SH3BP4: variants seen among roughly 807,000 people sequenced by gnomAD.
SH3BP4 encodes SH3 domain-binding protein 4.
Under a neutral mutation model 65.5 loss-of-function variants are expected in SH3BP4, and 33 were observed. That is an observed-to-expected ratio of 0.50 (90% CI 0.38 to 0.67). SH3BP4 has a LOEUF of 0.67. SH3BP4 is among the 30% of genes least tolerant of loss of function. The pLI, the probability that SH3BP4 is intolerant of heterozygous loss-of-function variation, is 0.00. For synonymous variants in SH3BP4, 552 were observed against 545.5 expected, an observed-to-expected ratio of 1.01 and a Z score of -0.17; for missense variants, 1,134 against 1,261.4, an observed-to-expected ratio of 0.90 and a Z score of 1.53.
Position 235,055,602 on chromosome 2 carries a change from A to G in SH3BP4, c.*1786A>G, listed in dbSNP as rs1019378729. The G allele has an allele frequency of 6.6e-6, 1 of 152,660 alleles. No homozygotes were observed. Among genetic ancestry groups the G allele is most frequent in the African/African-American group, 2.4e-5 (1 of 41,462 alleles). 9.5% of individuals were successfully genotyped at this position (152,660 alleles called of 1,614,324 possible). ...CCTATGCAACGTGTCTTGTAGCACAAATAAAATTCTACAAAAGTTGCAGTA... is the reference window on the plus strand; with the variant it reads ...CCTATGCAACGTGTCTTGTAGCACAGATAAAATTCTACAAAAGTTGCAGTA... On this transcript the variant is annotated 3_prime_UTR_variant, in exon 6 of 6. Transcript: ENST00000392011.
At chr2:235,038,644 G>A (rs1366674834) in intron 3 of SH3BP4, among the ~76,000 whole-genome samples, 1 of 151,674 alleles carries the variant, frequency 6.6e-6, no homozygotes, top group Non-Finnish European at 1.5e-5. Context: ...AAAAGCATAA[G>A]CAAGTGTCAT....
chr2:235,040,838 C>A, intron 3 of SH3BP4, 50 bp from the exon 4 acceptor site: 1 of 1,528,632 alleles, frequency 6.5e-7, no homozygotes, highest in South Asian at 1.2e-5. Flanking sequence ...GCTCTCCGGA[C>A]ACCCCGCCGG....
rs1574837506 is a variant in SH3BP4 at position 235,034,576 on chromosome 2, T to C, written c.-132-295T>C. On this transcript the variant is annotated intron_variant, in intron 2 of 5. Transcript: ENST00000392011. This position sits in a 1 kb window ranked among gnomAD's most constrained non-coding sequence, Gnocchi z 6.2. ...GACTGTAATGAATGGACTGGCCAGG[T>C]GCTGGAGCACATTTCGCAAACACCC... Among the ~76,000 whole-genome samples, 2 of 152,156 alleles carry C rather than the reference T, an allele frequency of 1.3e-5. No individual in the cohort carries two copies. Among genetic ancestry groups the C allele is most frequent in the South Asian group, 4.1e-4 (2 of 4,826 alleles).
intron 2 of SH3BP4, among the ~76,000 whole-genome samples, chr2:235,000,730 C>T (rs146394126): frequency 1.3e-5 from 2 of 152,226 alleles, no homozygotes; most frequent in Admixed American, 6.5e-5. Context: ...AGCCCAGCCT[C>T]GCATTTGGCA....
At chr2:235,021,728 A>G (rs1029662355) in intron 2 of SH3BP4, among the ~76,000 whole-genome samples, 7 of 152,210 alleles carry the variant, frequency 4.6e-5, no homozygotes, top group Admixed American at 1.3e-4. Context: ...CAGACCTTCC[A>G]TGTAGTCCAA....
chr2:235,049,599 G>A (rs1008154072), intron 4 of SH3BP4, among the ~76,000 whole-genome samples: 13 of 152,160 alleles, frequency 8.5e-5, no homozygotes, highest in African/African-American at 2.9e-4. Flanking sequence ...GAATACACAC[G>A]TGTATGCTTT....
In SH3BP4 at chr2:235,045,003, C is replaced by G. The variant is rs966626977; in HGVS notation, c.2478+1756C>G. On this transcript the variant is annotated intron_variant, in intron 4 of 5. Coordinates refer to ENST00000392011, the MANE Select transcript of SH3BP4 (RefSeq NM_014521.3). This position sits in a 1 kb window ranked among gnomAD's most constrained non-coding sequence, Gnocchi z 4.3. The stretch of plus-strand genomic sequence containing the variant: ...CAAACGCAGCAGGGAAGCCTCCGGG[C>G]CCCCATGTGGGGTCACCTGCAGGGA... 2.0e-5 allele frequency among the ~76,000 whole-genome samples: 3 copies of G among 152,194 alleles called. No homozygotes were observed. The highest frequency in any genetic ancestry group is 4.4e-5 in the Non-Finnish European group (3 of 68,024).
intron 2 of SH3BP4, among the ~76,000 whole-genome samples, chr2:235,005,988 T>C (rs1694281156): frequency 6.6e-6 from 1 of 152,250 alleles, no homozygotes; most frequent in Non-Finnish European, 1.5e-5. Context: ...AGGGAGGTTT[T>C]GATCCCTGGG....
chr2:234,955,088 T>C (rs1285480440), intron 1 of SH3BP4, among the ~76,000 whole-genome samples: 1 of 152,204 alleles, frequency 6.6e-6, no homozygotes, highest in Non-Finnish European at 1.5e-5. Flanking sequence ...CAAATTGGAC[T>C]CAGGCCCCTG....
At chr2:234,973,494 A>T (rs1693058680) in intron 1 of SH3BP4, among the ~76,000 whole-genome samples, 1 of 152,106 alleles carries the variant, frequency 6.6e-6, no homozygotes, top group Non-Finnish European at 1.5e-5. Flanking sequence ...GTCATCGAGG[A>T]TTTGTTGACC....
intron 1 of SH3BP4, among the ~76,000 whole-genome samples, chr2:234,955,453 C>T (rs905910352): frequency 6.6e-6 from 1 of 152,162 alleles, no homozygotes; most frequent in Non-Finnish European, 1.5e-5. Context: ...AAGCCGAAAC[C>T]AGCTCCTCGG....
intron 2 of SH3BP4, among the ~76,000 whole-genome samples, chr2:235,020,807 C>T (rs570523226): frequency 6.6e-6 from 1 of 152,176 alleles, no homozygotes; most frequent in East Asian, 1.9e-4. Context: ...TTCCATTTTG[C>T]AGCTAAGGAG....
Position 235,041,858 on chromosome 2 carries a change from G to A in SH3BP4, c.1089G>A (p.Pro363=), listed in dbSNP as rs377177002. ...QISMKALLDP[P]LELNSDRSCS... ...CCATGAAAGCCCTGCTGGACCCCCC[G>A]CTGGAGCTCAACAGTGACAGGTCCT... Residue 363 remains proline, a synonymous_variant, in exon 4 of 6, where the codon CCG becomes CCA. Transcript: ENST00000392011. The surrounding 1 kb of genome is among the most constrained non-coding windows in gnomAD (Gnocchi z 6.0). 5.3e-5 allele frequency: 86 copies of A among 1,608,754 alleles called. 1 individual carries two copies. The highest frequency in any genetic ancestry group is 5.1e-4 in the East Asian group (23 of 44,770).
At chr2:235,018,020 G>A (rs1321486067) in intron 2 of SH3BP4, among the ~76,000 whole-genome samples, 1 of 152,130 alleles carries the variant, frequency 6.6e-6, no homozygotes, top group African/African-American at 2.4e-5. Flanking sequence ...TAATTCTGGG[G>A]CCCTGGCAGA....
chr2:235,025,827 A>G (rs1409978933), intron 2 of SH3BP4, among the ~76,000 whole-genome samples: 1 of 152,180 alleles, frequency 6.6e-6, no homozygotes, highest in East Asian at 1.9e-4. Flanking sequence ...TCATTCTCCA[A>G]TCGGTAGGTT....
chr2:234,966,561 G>GC (rs1284011786), intron 1 of SH3BP4, among the ~76,000 whole-genome samples: 4 of 152,212 alleles, frequency 2.6e-5, no homozygotes, highest in African/African-American at 4.8e-5. Context: ...CGTGAACATA[G>GC]CAAGTATCTG....
At chr2:235,000,361 G>A (rs1347768555) in intron 2 of SH3BP4, among the ~76,000 whole-genome samples, 1 of 152,202 alleles carries the variant, frequency 6.6e-6, no homozygotes, top group Non-Finnish European at 1.5e-5. Flanking sequence ...TGACTGGGGG[G>A]TTGCCCCTGT....
At chr2:234,989,454 C>T (rs1431826948) in intron 1 of SH3BP4, among the ~76,000 whole-genome samples, 1 of 152,230 alleles carries the variant, frequency 6.6e-6, no homozygotes, top group Non-Finnish European at 1.5e-5. Flanking sequence ...GGCATGCAGC[C>T]ATGTACCCGG....
intron 1 of SH3BP4, among the ~76,000 whole-genome samples, chr2:234,960,642 T>C (rs919423907): frequency 3.9e-5 from 6 of 152,188 alleles, no homozygotes; most frequent in African/African-American, 1.2e-4. Context: ...CGCAACTGTT[T>C]GGGGCCACGT....
Sources: allele counts gnomAD v4.1 joint callset (sites outside exome capture counted in the v4.1 genomes callset), GRCh38; gene constraint gnomAD v4.1.1; non-coding constraint Gnocchi (gnomAD v3.1); transcripts MANE v1.5; gene names NCBI Gene and HGNC (gene_info 2026-07-23, HGNC 2026-07-21).